GALNTL6: variants seen among roughly 807,000 people sequenced by gnomAD.
The protein encoded by GALNTL6 is polypeptide N-acetylgalactosaminyltransferase like 6.
A neutral mutation model predicts 73.7 loss-of-function variants in GALNTL6; 46 were observed. The ratio of observed to expected loss-of-function variants is 0.62; its 90% CI spans 0.49 to 0.80. The LOEUF (loss-of-function observed/expected upper bound fraction) is 0.80, where lower values mean the gene tolerates loss of function less well. Ranked by LOEUF, GALNTL6 falls within the 30% of genes least tolerant of loss-of-function variation. The pLI is 0.00. For synonymous variants in GALNTL6, 259 were observed against 263.7 expected, an observed-to-expected ratio of 0.98 and a Z score of 0.17; for missense variants, 604 against 755.0, an observed-to-expected ratio of 0.80 and a Z score of 2.34.
At chr4:171,862,574 A>G (rs1276732585) in intron 2 of GALNTL6, among the ~76,000 whole-genome samples, 1 of 152,134 alleles carries the variant, frequency 6.6e-6, no homozygotes, top group African/African-American at 2.4e-5. Flanking sequence ...AGGAGAAATG[A>G]GATGAATAGA....
chr4:172,359,306 C>G (rs1250548180), intron 5 of GALNTL6, among the ~76,000 whole-genome samples: 1 of 152,116 alleles, frequency 6.6e-6, no homozygotes, highest in Non-Finnish European at 1.5e-5. Flanking sequence ...CACACCTTCA[C>G]ACTTATAAGT....
chr4:172,389,228 G>T (rs1348055991), intron 5 of GALNTL6, among the ~76,000 whole-genome samples: 4 of 151,638 alleles, frequency 2.6e-5, no homozygotes, highest in Non-Finnish European at 5.9e-5. Context: ...TTTATTAAAT[G>T]TTTCCCAACT....
At chr4:172,212,708 C>T (rs1736365887) in intron 2 of GALNTL6, among the ~76,000 whole-genome samples, 1 of 152,038 alleles carries the variant, frequency 6.6e-6, no homozygotes, top group South Asian at 2.1e-4. Flanking sequence ...GCTCTTGTTG[C>T]CCAGGCTAGA....
At chr4:172,990,602 A>C (rs1393775593) in intron 10 of GALNTL6, among the ~76,000 whole-genome samples, 1 of 152,134 alleles carries the variant, frequency 6.6e-6, no homozygotes, top group African/African-American at 2.4e-5. Flanking sequence ...CAATCTCCCA[A>C]GTTATCAAAA....
intron 10 of GALNTL6, among the ~76,000 whole-genome samples, chr4:172,958,191 A>G (rs1749852063): frequency 6.6e-6 from 1 of 152,220 alleles, no homozygotes; most frequent in Non-Finnish European, 1.5e-5. Flanking sequence ...TGAGTTGAGC[A>G]TAGTTTGTGA....
chr4:171,973,509 C>T (rs1739630582), intron 2 of GALNTL6, among the ~76,000 whole-genome samples: 1 of 152,118 alleles, frequency 6.6e-6, no homozygotes, highest in Non-Finnish European at 1.5e-5. Flanking sequence ...TGGATACTGT[C>T]TCTGTGTCTG....
chr4:172,254,735 C>T (rs1460103790), intron 3 of GALNTL6, among the ~76,000 whole-genome samples: 1 of 151,606 alleles, frequency 6.6e-6, no homozygotes, highest in Admixed American at 6.6e-5. Context: ...TTTTTAGTTC[C>T]ACAAGAGAAG....
At chr4:172,800,746 A>C (rs1740594404) in intron 5 of GALNTL6, among the ~76,000 whole-genome samples, 1 of 152,200 alleles carries the variant, frequency 6.6e-6, no homozygotes, top group South Asian at 2.1e-4. Context: ...AAACAGCAAC[A>C]GTATTTCATA....
intron 5 of GALNTL6, among the ~76,000 whole-genome samples, chr4:172,369,698 C>T (rs1315809603): frequency 6.6e-6 from 1 of 152,208 alleles, no homozygotes; most frequent in Non-Finnish European, 1.5e-5. Flanking sequence ...GCACCCTCTG[C>T]AGATGCTGGC....
At chr4:171,921,737 A>G (rs1024792611) in intron 2 of GALNTL6, among the ~76,000 whole-genome samples, 2 of 152,078 alleles carry the variant, frequency 1.3e-5, no homozygotes, top group African/African-American at 4.8e-5. Context: ...CTTTCAAAGG[A>G]GCTTTAAGAT....
chr4:172,102,591 AGAGATG>A, intron 2 of GALNTL6, among the ~76,000 whole-genome samples: 1 of 152,166 alleles, frequency 6.6e-6, no homozygotes, highest in Non-Finnish European at 1.5e-5. Context: ...CAGAGATGTC[AGAGATG>A]TCAGGCACCT....
intron 2 of GALNTL6, among the ~76,000 whole-genome samples, chr4:172,148,642 C>T (rs1421659502): frequency 6.6e-6 from 1 of 152,176 alleles, no homozygotes; most frequent in Non-Finnish European, 1.5e-5. Context: ...CTGCCTTAAA[C>T]AACACATCCT....
At chr4:172,670,337 A>T (rs187955249) in intron 5 of GALNTL6, among the ~76,000 whole-genome samples, 1 of 151,976 alleles carries the variant, frequency 6.6e-6, no homozygotes, top group Admixed American at 6.6e-5. Context: ...TTTTAATAGT[A>T]GCCTTTCTGT....
intron 5 of GALNTL6, among the ~76,000 whole-genome samples, chr4:172,388,138 C>A (rs1743537361): frequency 6.6e-6 from 1 of 152,084 alleles, no homozygotes; most frequent in Admixed American, 6.6e-5. Flanking sequence ...ACAGATACAT[C>A]CTATTTTAAC....
At chr4:172,631,112 A>G (rs2111095335) in intron 5 of GALNTL6, among the ~76,000 whole-genome samples, 1 of 151,974 alleles carries the variant, frequency 6.6e-6, no homozygotes, top group Middle Eastern at 3.4e-3. Context: ...AACAAAACAC[A>G]GGGTTGTTTT....
rs778156050 is a variant in GALNTL6 at position 172,206,805 on chromosome 4, G to GTTTTTTTTTT, written c.139-22843_139-22842insTTTTTTTTTT. ...TTGTTTTGTTTTGTTTTGTTTTTCT[G>GTTTTTTTTTT]TTTTTTTTGTTTGTTTTTTTTTTTT... On this transcript the variant is annotated intron_variant, in intron 2 of 12. Coordinates refer to ENST00000506823, the MANE Select transcript of GALNTL6 (RefSeq NM_001034845.3). Among the ~76,000 whole-genome samples the GTTTTTTTTTT allele has an allele frequency of 9.6e-4, 25 of 26,166 alleles. 2 individuals carry two copies. Among genetic ancestry groups the GTTTTTTTTTT allele is most frequent in the African/African-American group, 1.8e-3 (19 of 10,548 alleles). 17.2% of individuals were successfully genotyped at this position (26,166 alleles called of 152,430 possible).
intron 2 of GALNTL6, among the ~76,000 whole-genome samples, chr4:171,977,888 G>T (rs1239198110): frequency 1.3e-5 from 2 of 151,974 alleles, no homozygotes; most frequent in Non-Finnish European, 2.9e-5. Flanking sequence ...AGATAGATTG[G>T]CTTACTGTTT....
At chr4:172,847,387 A>T (rs1261521608) in intron 7 of GALNTL6, among the ~76,000 whole-genome samples, 2 of 152,138 alleles carry the variant, frequency 1.3e-5, no homozygotes, top group East Asian at 3.8e-4. Context: ...TCTTCCACCC[A>T]GGTAGACAAA....
chr4:171,871,702 A>G (rs971710712), intron 2 of GALNTL6, among the ~76,000 whole-genome samples: 1 of 152,232 alleles, frequency 6.6e-6, no homozygotes, highest in African/African-American at 2.4e-5. Flanking sequence ...TAGGTCCCGA[A>G]AAAAACACTA....
Sources: gnomAD v4.1 joint callset for allele counts (sites outside exome capture counted in the v4.1 genomes callset) on GRCh38, gnomAD v4.1.1 for gene constraint, MANE v1.5 for transcripts, NCBI Gene and HGNC (gene_info 2026-07-23, HGNC 2026-07-21) for gene names.